Variants in KCNH1 observed in about 807,000 individuals in gnomAD.
KCNH1 encodes the protein voltage-gated delayed rectifier potassium channel KCNH1.
A neutral mutation model predicts 69.2 loss-of-function variants in KCNH1; 27 were observed. That is an observed-to-expected ratio of 0.39 (90% CI 0.29 to 0.54). The LOEUF is 0.54. KCNH1 is among the 20% of genes least tolerant of loss of function. The pLI is 0.68. For synonymous variants in KCNH1, 456 were observed against 487.7 expected (o/e 0.93, Z 0.86); for missense variants, 798 against 1,261.6 (o/e 0.63, Z 5.57).
intron 10 of KCNH1, among the ~76,000 whole-genome samples, chr1:210,721,877 G>A (rs562504419): frequency 6.6e-6 from 1 of 152,320 alleles, no homozygotes; most frequent in South Asian, 2.1e-4. Context: ...GGTCCCAGCT[G>A]TCCTCTTTCC....
At chr1:210,985,838 T>C (rs1412706120) in intron 6 of KCNH1, among the ~76,000 whole-genome samples, 2 of 152,194 alleles carry the variant, frequency 1.3e-5, no homozygotes, top group Non-Finnish European at 2.9e-5. Flanking sequence ...TGGATATCCA[T>C]GTTAACTTTC....
At chr1:211,003,917 C>G (rs529082909) in intron 6 of KCNH1, among the ~76,000 whole-genome samples, 1 of 152,082 alleles carries the variant, frequency 6.6e-6, no homozygotes, top group Non-Finnish European at 1.5e-5. Context: ...CACAGTGAAA[C>G]CCCGTCTCTA....
At chr1:210,772,059 G>A (rs907714273) in intron 10 of KCNH1, among the ~76,000 whole-genome samples, 1 of 152,232 alleles carries the variant, frequency 6.6e-6, no homozygotes, top group African/African-American at 2.4e-5. Context: ...GAATACAGAG[G>A]CTAGAGTAGA....
chr1:210,860,927 G>T, intron 7 of KCNH1: 1 of 934,892 alleles, frequency 1.1e-6, no homozygotes, highest in Non-Finnish European at 1.8e-6. Context: ...TATTCCATCT[G>T]ATCATTACAG....
chr1:210,688,747 G>A (rs1057258653), intron 10 of KCNH1, among the ~76,000 whole-genome samples: 3 of 152,158 alleles, frequency 2.0e-5, no homozygotes, highest in Non-Finnish European at 2.9e-5. Flanking sequence ...TTTGCAATGA[G>A]GACAACTGCT....
chr1:211,039,866 T>G (rs1179336170), intron 5 of KCNH1, among the ~76,000 whole-genome samples: 1 of 152,140 alleles, frequency 6.6e-6, no homozygotes, highest in Non-Finnish European at 1.5e-5. Flanking sequence ...GACTTTGGAC[T>G]GTAGACTTTT....
intron 7 of KCNH1, among the ~76,000 whole-genome samples, chr1:210,875,324 A>T (rs1446808504): frequency 6.6e-6 from 1 of 152,216 alleles, no homozygotes; most frequent in Non-Finnish European, 1.5e-5. Flanking sequence ...TGAATATTCC[A>T]CTGAAGGTCC....
chr1:210,900,385 C>T (rs188832300), intron 7 of KCNH1, among the ~76,000 whole-genome samples: 1 of 152,280 alleles, frequency 6.6e-6, no homozygotes, highest in African/African-American at 2.4e-5. Flanking sequence ...TTGTTGGTTT[C>T]TTTATTTTTC....
intron 7 of KCNH1, among the ~76,000 whole-genome samples, chr1:210,888,138 A>C (rs1004440388): frequency 6.6e-6 from 1 of 152,180 alleles, no homozygotes; most frequent in Non-Finnish European, 1.5e-5. Context: ...CTTATTCTAA[A>C]ATTGACCACA....
chr1:210,920,019 A>C lies in KCNH1; in HGVS notation c.1083T>G (p.Leu361=), dbSNP rs57057502. The change falls in exon 7 of 11, where the codon CTT becomes CTG. Residue 361 remains leucine, a synonymous_variant. Coordinates refer to ENST00000271751, the MANE Select transcript of KCNH1 (RefSeq NM_172362.3). ...GGTCCAGCTTACGGGCCACTCGCCC[A>C]AGACGGAGCAGCCGGACAACTTTTA... The part of the protein sequence containing the change: ...SSLKVVRLLR[L]GRVARKLDHY... 1.8e-4 allele frequency: 297 copies of C among 1,614,164 alleles called. No homozygotes were observed. In the African/African-American group the frequency reaches 3.6e-3, roughly 19 times the overall value.
At chr1:210,803,938 G>C in intron 8 of KCNH1, 29 bp downstream of exon 8, 1 of 1,599,180 alleles carries the variant, frequency 6.3e-7, no homozygotes, top group African/African-American at 1.3e-5. Flanking sequence ...AAAGACAAAT[G>C]GTTTCCCTGA....
intron 10 of KCNH1, among the ~76,000 whole-genome samples, chr1:210,749,444 T>C (rs1371328995): frequency 6.6e-6 from 1 of 152,122 alleles, no homozygotes; most frequent in Non-Finnish European, 1.5e-5. Flanking sequence ...AGGGCCCTAG[T>C]GGTAATGAAC....
intron 7 of KCNH1, among the ~76,000 whole-genome samples, chr1:210,843,351 C>T (rs964994614): frequency 1.3e-5 from 2 of 152,082 alleles, no homozygotes; most frequent in Non-Finnish European, 2.9e-5. Flanking sequence ...CTGGAATATC[C>T]TATTGTATAA....
In KCNH1 at chr1:210,682,644, G is replaced by A. The variant is rs1319412512; in HGVS notation, c.*637C>T. 2.0e-5 allele frequency: 3 copies of A among 152,574 alleles called. No individual in the cohort carries two copies. The highest frequency in any genetic ancestry group is 2.0e-4 in the Admixed American group (3 of 15,296). 9.5% of individuals were successfully genotyped at this position (152,574 alleles called of 1,614,324 possible). On this transcript the variant is annotated 3_prime_UTR_variant, in exon 11 of 11. Transcript: ENST00000271751. ...ACCTCCTTTGGGGAAGGAGACCTGA[G>A]GATTCCCAGCTTCAAGTGTCTATGG...
At chr1:210,715,878 G>T (rs572415324) in intron 10 of KCNH1, among the ~76,000 whole-genome samples, 1 of 152,266 alleles carries the variant, frequency 6.6e-6, no homozygotes, top group African/African-American at 2.4e-5. Context: ...AGGGCTCTGA[G>T]ATCAGGGCAA....
In KCNH1 at chr1:210,898,254, T is replaced by G. The variant is rs183939797; in HGVS notation, c.1462+21386A>C. Among the ~76,000 whole-genome samples, 61 of 152,330 alleles carry G rather than the reference T, an allele frequency of 4.0e-4. 2 individuals carry two copies. In the East Asian group the frequency reaches 9.5e-3, roughly 24 times the overall value. On this transcript the variant is annotated intron_variant, in intron 7 of 10. Transcript: ENST00000271751. ...ACTTTTTAAGTATGACTATATTGCC[T>G]TATACAAATGGAATACATCATCCCA...
At chr1:210,845,958 A>G (rs1304698702) in intron 7 of KCNH1, among the ~76,000 whole-genome samples, 1 of 152,250 alleles carries the variant, frequency 6.6e-6, no homozygotes, top group Non-Finnish European at 1.5e-5. Flanking sequence ...GAGCCAAATC[A>G]TGAGTGAACT....
intron 5 of KCNH1, among the ~76,000 whole-genome samples, chr1:211,048,259 T>C (rs1690130132): frequency 2.0e-5 from 3 of 152,234 alleles, no homozygotes; most frequent in South Asian, 2.1e-4. Context: ...ACAATCACTA[T>C]GGAAAACAGT....
At chr1:210,813,816 C>T (rs1219733187) in intron 7 of KCNH1, among the ~76,000 whole-genome samples, 1 of 152,142 alleles carries the variant, frequency 6.6e-6, no homozygotes, top group Admixed American at 6.5e-5. Context: ...GTGGGACGGA[C>T]CTGGTGAAGG....
Sources: allele counts gnomAD v4.1 joint callset (sites outside exome capture counted in the v4.1 genomes callset), GRCh38; gene constraint gnomAD v4.1.1; transcripts MANE v1.5; gene names NCBI Gene and HGNC (gene_info 2026-07-23, HGNC 2026-07-21).